Variants in CDH12 observed in about 807,000 individuals in gnomAD.
CDH12 encodes the protein cadherin-12.
CDH12 carries 41 observed loss-of-function variants against 74.1 expected under a neutral mutation model. The ratio of observed to expected loss-of-function variants is 0.55; its 90% confidence interval spans 0.43 to 0.72. The LOEUF is 0.72. CDH12 is among the 30% of genes least tolerant of loss of function. CDH12 has a pLI of 0.00. For missense variants in CDH12, 945 were observed against 977.2 expected, an observed-to-expected ratio of 0.97 and a Z score of 0.44; for synonymous variants, 399 against 355.0, an observed-to-expected ratio of 1.12 and a Z score of -1.39.
chr5:22,664,854 A>G (rs1254531936), intron 1 of CDH12, among the ~76,000 whole-genome samples: 9 of 152,220 alleles, frequency 5.9e-5, no homozygotes, highest in Admixed American at 5.9e-4. Context: ...ACAATTTATT[A>G]TATTTCATTT....
intron 7 of CDH12, among the ~76,000 whole-genome samples, chr5:21,848,708 CAACTTCTT>C (rs1034253476): frequency 6.6e-6 from 1 of 151,780 alleles, no homozygotes; most frequent in African/African-American, 2.4e-5. Flanking sequence ...CCATATTGTC[CAACTTCTT>C]AACTGTATCA....
intron 2 of CDH12, among the ~76,000 whole-genome samples, chr5:22,497,417 C>A (rs1296958535): frequency 6.6e-6 from 1 of 152,104 alleles, no homozygotes; most frequent in Non-Finnish European, 1.5e-5. Flanking sequence ...CATCTTGTCT[C>A]AACCTTCCTT....
intron 4 of CDH12, among the ~76,000 whole-genome samples, chr5:22,176,028 C>A (rs1561191145): frequency 6.6e-6 from 1 of 152,162 alleles, no homozygotes; most frequent in African/African-American, 2.4e-5. Context: ...TGAATCCAGT[C>A]CAGCTCAATC....
intron 3 of CDH12, among the ~76,000 whole-genome samples, chr5:22,376,756 C>T (rs1741543791): frequency 6.8e-6 from 1 of 148,058 alleles, no homozygotes; most frequent in African/African-American, 2.5e-5. Flanking sequence ...ATCCTGGGCT[C>T]AAGTGATCCT....
At chr5:22,542,382 G>T (rs2126720756) in intron 1 of CDH12, among the ~76,000 whole-genome samples, 1 of 152,280 alleles carries the variant, frequency 6.6e-6, no homozygotes, top group Middle Eastern at 3.4e-3. Context: ...AAGAGAAAAT[G>T]ATCCATTGCC....
chr5:22,241,505 T>C (rs1752750992), intron 3 of CDH12, among the ~76,000 whole-genome samples: 1 of 152,062 alleles, frequency 6.6e-6, no homozygotes. Flanking sequence ...AGATTTTTTA[T>C]AGTCTATAGT....
intron 1 of CDH12, among the ~76,000 whole-genome samples, chr5:22,516,558 G>A (rs1334976045): frequency 2.0e-5 from 3 of 152,110 alleles, no homozygotes; most frequent in Non-Finnish European, 4.4e-5. Flanking sequence ...ATTTTAGGAG[G>A]CTGAGGTGGG....
chr5:22,235,488 G>A (rs1752530418), intron 3 of CDH12, among the ~76,000 whole-genome samples: 1 of 151,878 alleles, frequency 6.6e-6, no homozygotes, highest in Non-Finnish European at 1.5e-5. Context: ...GGCTGAGCAG[G>A]AAGAATCGCT....
At chr5:22,039,977 C>A (rs573065819) in intron 5 of CDH12, among the ~76,000 whole-genome samples, 4 of 147,910 alleles carry the variant, frequency 2.7e-5, no homozygotes, top group Non-Finnish European at 6.0e-5. Flanking sequence ...AGTAATAGGC[C>A]GCAAAGAAAA....
intron 1 of CDH12, among the ~76,000 whole-genome samples, chr5:22,514,871 A>G (rs1004024657): frequency 2.6e-5 from 4 of 152,190 alleles, no homozygotes; most frequent in Admixed American, 6.5e-5. Flanking sequence ...CAAAGACATT[A>G]AAAAGGAAGA....
At chr5:21,867,947 G>A (rs1393881052) in intron 6 of CDH12, among the ~76,000 whole-genome samples, 1 of 152,136 alleles carries the variant, frequency 6.6e-6, no homozygotes, top group Non-Finnish European at 1.5e-5. Context: ...GGAACCAGTG[G>A]GTGGTCATTG....
Position 22,455,767 on chromosome 5 carries a change from G to T in CDH12, c.-428+49503C>A, listed in dbSNP as rs1745239468. On this transcript the variant is annotated intron_variant, in intron 2 of 14. Coordinates refer to ENST00000382254, the MANE Select transcript of CDH12 (RefSeq NM_004061.5). ...TGAGGCCAACATTTCATTTTTGGTA[G>T]TTTGTAAACAACACTTTAAAAGGAG... Among the ~76,000 whole-genome samples, 3 of 152,230 alleles carry T rather than the reference G, an allele frequency of 2.0e-5. No homozygotes were observed. The South Asian group carries it at 6.2e-4, about 32-fold the overall frequency.
chr5:22,531,804 G>A (rs1737592918), intron 1 of CDH12, among the ~76,000 whole-genome samples: 1 of 152,064 alleles, frequency 6.6e-6, no homozygotes, highest in African/African-American at 2.4e-5. Flanking sequence ...TAGAAAGATT[G>A]GCTGAAAGTC....
rs185568578 is a variant in CDH12 at position 22,315,498 on chromosome 5, G to A, written c.-333+89759C>T. Among the ~76,000 whole-genome samples, 94 of 152,160 alleles carry A rather than the reference G, an allele frequency of 6.2e-4. 1 individual carries two copies. Among genetic ancestry groups the A allele is most frequent in the African/African-American group, 2.0e-3 (82 of 41,508 alleles). ...AAACATAGTATTACCTCTGAGAGTT[G>A]GAAAGTGAACTTATTAAGAAAATGT... is the stretch of plus-strand genomic sequence containing the variant. On this transcript the variant is annotated intron_variant, in intron 3 of 14. Transcript: ENST00000382254.
At chr5:22,284,143 C>T (rs1737035367) in intron 3 of CDH12, among the ~76,000 whole-genome samples, 2 of 151,946 alleles carry the variant, frequency 1.3e-5, no homozygotes, top group African/African-American at 2.4e-5. Context: ...CTCTCTTTGC[C>T]CCATCAAACA....
chr5:22,554,632 C>A (rs1431943327), intron 1 of CDH12, among the ~76,000 whole-genome samples: 3 of 152,012 alleles, frequency 2.0e-5, no homozygotes, highest in Non-Finnish European at 4.4e-5. Flanking sequence ...TTAAATGCAG[C>A]ACAGTATGAC....
At chr5:22,082,565 ATTGT>A (rs995010735) in intron 4 of CDH12, among the ~76,000 whole-genome samples, 2 of 152,168 alleles carry the variant, frequency 1.3e-5, no homozygotes, top group Non-Finnish European at 2.9e-5. Flanking sequence ...AACCTTATAA[ATTGT>A]TTATTTCTGT....
At chr5:22,266,468 C>T (rs567400317) in intron 3 of CDH12, among the ~76,000 whole-genome samples, 1 of 152,120 alleles carries the variant, frequency 6.6e-6, no homozygotes, top group South Asian at 2.1e-4. Context: ...CTATAGATGG[C>T]AGGATATTGG....
At chr5:22,136,710 A>G (rs1746483700) in intron 4 of CDH12, among the ~76,000 whole-genome samples, 1 of 150,412 alleles carries the variant, frequency 6.6e-6, no homozygotes, top group African/African-American at 2.5e-5. Flanking sequence ...CATATTATTC[A>G]ATTATTTTGA....
Sources: allele counts gnomAD v4.1 joint callset (sites outside exome capture counted in the v4.1 genomes callset), GRCh38; gene constraint gnomAD v4.1.1; transcripts MANE v1.5; gene names NCBI Gene and HGNC (gene_info 2026-07-23, HGNC 2026-07-21).